The following OSBPL3 variants were observed in gnomAD, a reference collection of about 807,000 sequenced individuals.
OSBPL3 encodes the protein oxysterol-binding protein-related protein 3.
In OSBPL3, 65 loss-of-function variants were observed where a neutral mutation model predicts 120.1. The ratio of observed to expected loss-of-function variants is 0.54; its 90% CI spans 0.44 to 0.67. The LOEUF (loss-of-function observed/expected upper bound fraction) is 0.67, where lower values mean the gene tolerates loss of function less well. OSBPL3 is among the 30% of genes least tolerant of loss of function. The pLI, the probability that OSBPL3 is intolerant of heterozygous loss-of-function variation, is 0.00. For synonymous variants in OSBPL3, 416 were observed against 402.6 expected, an observed-to-expected ratio of 1.03 and a Z score of -0.40; for missense variants, 1,004 against 1,082.1, an observed-to-expected ratio of 0.93 and a Z score of 1.01.
chr7:24,836,997 G>A (rs976881271), intron 14 of OSBPL3, among the ~76,000 whole-genome samples: 2 of 151,988 alleles, frequency 1.3e-5, no homozygotes, highest in African/African-American at 2.4e-5. Context: ...AACATGCCTG[G>A]CTAATTTTTT....
chr7:24,940,147 G>C lies in OSBPL3; in HGVS notation c.-150+39739C>G, dbSNP rs1401949893. On this transcript the variant is annotated intron_variant, in intron 1 of 22. Coordinates refer to ENST00000313367, the MANE Select transcript of OSBPL3 (RefSeq NM_015550.4). This position sits in a 1 kb window ranked among gnomAD's most constrained non-coding sequence, Gnocchi z 4.4. ...TTCTTGAAGAGCATAATAAAGGTTTGAAATAGCTGCTACAAAAAAAATGGG... is the reference window on the plus strand; with the variant it reads ...TTCTTGAAGAGCATAATAAAGGTTTCAAATAGCTGCTACAAAAAAAATGGG... 6.6e-6 allele frequency among the ~76,000 whole-genome samples: 1 copy of C among 152,136 alleles called. No individual in the cohort carries two copies. Among genetic ancestry groups the C allele is most frequent in the African/African-American group, 2.4e-5 (1 of 41,428 alleles).
At chr7:24,908,981 T>C (rs2128409989) in intron 1 of OSBPL3, among the ~76,000 whole-genome samples, 1 of 152,352 alleles carries the variant, frequency 6.6e-6, no homozygotes, top group South Asian at 2.1e-4. Context: ...TTGCGTGTCC[T>C]TTTCAAGCAC....
In OSBPL3 at chr7:24,891,617, T is replaced by C. The variant is rs1805368446; in HGVS notation, c.96+760A>G. ...GCTCATTCTCTCTCCATCTAACTGC[T>C]GGGGGAAGAATTATAATGATTAATG... On this transcript the variant is annotated intron_variant, in intron 2 of 22. Transcript: ENST00000313367. This position sits in a 1 kb window ranked among gnomAD's most constrained non-coding sequence, Gnocchi z 4.1. Among the ~76,000 whole-genome samples, 1 of 152,190 alleles carries C rather than the reference T, an allele frequency of 6.6e-6. No homozygotes were observed. Among genetic ancestry groups the C allele is most frequent in the Non-Finnish European group, 1.5e-5 (1 of 68,026 alleles).
At chr7:24,828,776 T>TTA (rs1554350040) in intron 16 of OSBPL3, among the ~76,000 whole-genome samples, 26 of 151,518 alleles carry the variant, frequency 1.7e-4, no homozygotes, top group Admixed American at 2.0e-4. Flanking sequence ...TTTTTTTTTT[T>TTA]AAAAAGGAAG....
chr7:24,897,239 G>T (rs1806278738), intron 1 of OSBPL3, among the ~76,000 whole-genome samples: 1 of 152,040 alleles, frequency 6.6e-6, no homozygotes, highest in Non-Finnish European at 1.5e-5. Context: ...CTCTCTCCTG[G>T]CTTCCTGAAA....
intron 14 of OSBPL3, among the ~76,000 whole-genome samples, chr7:24,838,435 G>T (rs1797280318): frequency 6.6e-6 from 1 of 152,198 alleles, no homozygotes; most frequent in African/African-American, 2.4e-5. Flanking sequence ...GACAGAGGTT[G>T]CAGTAAACCG....
In OSBPL3 at chr7:24,947,136, G is replaced by A. The variant is rs535856572; in HGVS notation, c.-150+32750C>T. Among the ~76,000 whole-genome samples, 1 of 152,296 alleles carries A rather than the reference G, an allele frequency of 6.6e-6. No individual in the cohort carries two copies. Among genetic ancestry groups the A allele is most frequent in the African/African-American group, 2.4e-5 (1 of 41,568 alleles). The stretch of plus-strand genomic sequence containing the variant: ...CATCCTTGATGATGGTCAAGTCAAG[G>A]TGTTGTAGAAAGGAGTAAAACAACA... On this transcript the variant is annotated intron_variant, in intron 1 of 22. Coordinates refer to ENST00000313367, the MANE Select transcript of OSBPL3 (RefSeq NM_015550.4). This position sits in a 1 kb window ranked among gnomAD's most constrained non-coding sequence, Gnocchi z 4.4.
chr7:24,914,627 T>C (rs1809294287), intron 1 of OSBPL3, among the ~76,000 whole-genome samples: 1 of 152,096 alleles, frequency 6.6e-6, no homozygotes, highest in Admixed American at 6.5e-5. Context: ...AAAAAGTCGA[T>C]GGCTGGTGTA....
chr7:24,920,945 G>A (rs1810310245), intron 1 of OSBPL3, among the ~76,000 whole-genome samples: 1 of 152,156 alleles, frequency 6.6e-6, no homozygotes, highest in Non-Finnish European at 1.5e-5. Context: ...CACTTGAGAG[G>A]TTGTTGACAA....
At position 24,852,716 on chromosome 7, in the gene OSBPL3, A is replaced by G; in HGVS notation, c.1028-82T>C. The G allele has an allele frequency of 1.1e-6, 1 of 934,704 alleles. No homozygotes were observed. The highest frequency in any genetic ancestry group is 1.5e-6 in the Non-Finnish European group (1 of 655,848). 57.9% of individuals were successfully genotyped at this position (934,704 alleles called of 1,614,324 possible). A position where few individuals can be genotyped will look rare whatever the true frequency, so the allele number is the denominator to read the frequency against. On this transcript the variant is annotated intron_variant, in intron 10 of 22. Coordinates refer to ENST00000313367, the MANE Select transcript of OSBPL3 (RefSeq NM_015550.4). The surrounding 1 kb of genome is among the most constrained non-coding windows in gnomAD (Gnocchi z 4.1). Reference sequence around the variant, plus strand: ...ACAGAAAAAAACATATCTCTTATAAAAGAAACAAGCAAAGTAACAGCCCTG... The same window carrying G: ...ACAGAAAAAAACATATCTCTTATAAGAGAAACAAGCAAAGTAACAGCCCTG...
chr7:24,829,609 G>T (rs372447852), intron 16 of OSBPL3, among the ~76,000 whole-genome samples: 71 of 152,304 alleles, frequency 4.7e-4, no homozygotes, highest in African/African-American at 1.6e-3. Flanking sequence ...GAACTAGGGG[G>T]TGAGAAATGT....
Position 24,806,111 on chromosome 7 carries a change from C to A in OSBPL3, c.2444+665G>T, listed in dbSNP as rs1207068808. Among the ~76,000 whole-genome samples, 1 of 152,180 alleles carries A rather than the reference C, an allele frequency of 6.6e-6. No individual in the cohort carries two copies. Among genetic ancestry groups the A allele is most frequent in the Non-Finnish European group, 1.5e-5 (1 of 68,038 alleles). On this transcript the variant is annotated intron_variant, in intron 21 of 22. Transcript: ENST00000313367. This position sits in a 1 kb window ranked among gnomAD's most constrained non-coding sequence, Gnocchi z 5.2. ...AGTTGGGACTACGGGCATGTGCCACCACGCCTGGCTAATTTTTGTATTTTT... is the reference window on the plus strand; with the variant it reads ...AGTTGGGACTACGGGCATGTGCCACAACGCCTGGCTAATTTTTGTATTTTT...
In OSBPL3 at chr7:24,881,479, G is replaced by T. The variant is rs564776989; in HGVS notation, c.97-9410C>A. On this transcript the variant is annotated intron_variant, in intron 2 of 22. Coordinates refer to ENST00000313367, the MANE Select transcript of OSBPL3 (RefSeq NM_015550.4). This position sits in a 1 kb window ranked among gnomAD's most constrained non-coding sequence, Gnocchi z 4.3. Reference sequence around the variant, plus strand: ...TACAAAGATGTAAAATCAAGTGCTGGATCTCAAAAAGCTAACATACATTAC... The same window carrying T: ...TACAAAGATGTAAAATCAAGTGCTGTATCTCAAAAAGCTAACATACATTAC... 6.6e-6 allele frequency among the ~76,000 whole-genome samples: 1 copy of T among 152,280 alleles called. No homozygotes were observed. The highest frequency in any genetic ancestry group is 2.1e-4 in the South Asian group (1 of 4,820).
chr7:24,937,635 CT>C lies in OSBPL3; in HGVS notation c.-150+42250del, dbSNP rs1460752335. Among the ~76,000 whole-genome samples the C allele has an allele frequency of 8.5e-5, 13 of 152,190 alleles. No individual in the cohort carries two copies. The highest frequency in any genetic ancestry group is 1.6e-4 in the Non-Finnish European group (11 of 68,022). The stretch of plus-strand genomic sequence containing the variant: ...GAGACGTCCCAATACATGTGCCACA[CT>C]TTTACATATCTGGAAATAGAACTGG... On this transcript the variant is annotated intron_variant, in intron 1 of 22. Transcript: ENST00000313367. This position sits in a 1 kb window ranked among gnomAD's most constrained non-coding sequence, Gnocchi z 4.0.
rs575700283 is a variant in OSBPL3 at position 24,936,166 on chromosome 7, T to C, written c.-149-43545A>G. Among the ~76,000 whole-genome samples, 4 of 152,250 alleles carry C rather than the reference T, an allele frequency of 2.6e-5. No homozygotes were observed. Among genetic ancestry groups the C allele is most frequent in the African/African-American group, 9.6e-5 (4 of 41,536 alleles). Reference sequence around the variant, plus strand: ...ACTTCATAATGAAGGGGCCTTAAGTTACTGGTTCCAGTAAAAGATAAACTT... The same window carrying C: ...ACTTCATAATGAAGGGGCCTTAAGTCACTGGTTCCAGTAAAAGATAAACTT... On this transcript the variant is annotated intron_variant, in intron 1 of 22. Transcript: ENST00000313367. This position sits in a 1 kb window ranked among gnomAD's most constrained non-coding sequence, Gnocchi z 4.2.
chr7:24,941,443 T>C (rs2128482817), intron 1 of OSBPL3, among the ~76,000 whole-genome samples: 1 of 152,338 alleles, frequency 6.6e-6, no homozygotes, highest in South Asian at 2.1e-4. Context: ...CCTACCTGAC[T>C]ACAATATCTC....
rs1806707284 is a variant in OSBPL3, at chr7:24,899,772, C to T, written c.-149-7151G>A. ...ATAACTATACAATCACCTACAATTT[C>T]TCAAAGTGTCCAGATCCACCTTCTT... On this transcript the variant is annotated intron_variant, in intron 1 of 22. Coordinates refer to ENST00000313367, the MANE Select transcript of OSBPL3 (RefSeq NM_015550.4). The surrounding 1 kb of genome is among the most constrained non-coding windows in gnomAD (Gnocchi z 4.0). Among the ~76,000 whole-genome samples, 1 of 152,230 alleles carries T rather than the reference C, an allele frequency of 6.6e-6. No homozygotes were observed.
intron 1 of OSBPL3, among the ~76,000 whole-genome samples, chr7:24,969,901 T>C (rs913640101): frequency 1.3e-5 from 2 of 152,310 alleles, no homozygotes; most frequent in African/African-American, 2.4e-5. Context: ...GTTTACAGCA[T>C]AGTCTTTGGA....
In OSBPL3 at chr7:24,950,156, A is replaced by G. The variant is rs532108033; in HGVS notation, c.-150+29730T>C. 3.3e-5 allele frequency among the ~76,000 whole-genome samples: 5 copies of G among 152,340 alleles called. No individual in the cohort carries two copies. The South Asian group carries it at 1.0e-3, about 32-fold the overall frequency. On this transcript the variant is annotated intron_variant, in intron 1 of 22. Transcript: ENST00000313367. The stretch of plus-strand genomic sequence containing the variant: ...CTAAGAAAACATGTCATTTTGCCAC[A>G]CTGCCTTTCTTTACCAGAATAAACA...
Sources: gnomAD v4.1 joint callset for allele counts (sites outside exome capture counted in the v4.1 genomes callset) on GRCh38, gnomAD v4.1.1 for gene constraint, Gnocchi (gnomAD v3.1) non-coding constraint, MANE v1.5 for transcripts, NCBI Gene and HGNC (gene_info 2026-07-23, HGNC 2026-07-21) for gene names.